THOC2: variants seen among roughly 807,000 people sequenced by gnomAD.
THOC2 encodes THO complex subunit 2.
Under a neutral mutation model 128.4 loss-of-function variants are expected in THOC2, and 10 were observed. The ratio of observed to expected loss-of-function variants is 0.08; its 90% CI spans 0.05 to 0.13. The LOEUF is 0.13. Among genes scored for constraint, THOC2 ranks in the 10% least tolerant of loss-of-function variants. The pLI, the probability that THOC2 is intolerant of heterozygous loss-of-function variation, is 1.00. For synonymous variants in THOC2, 393 were observed against 396.9 expected, an observed-to-expected ratio of 0.99 and a Z score of 0.12; for missense variants, 535 against 1,155.7, an observed-to-expected ratio of 0.46 and a Z score of 7.79.
At position 123,711,675 on chromosome X, in the gene THOC2, T is replaced by C. The variant is rs1414730292; in HGVS notation, c.130+1175A>G. ...TCACATGCCTGTAATCCCAGCTACTTGGGAAGCTGAGGCAGGAGAATCGTT... is the reference window on the plus strand; with the variant it reads ...TCACATGCCTGTAATCCCAGCTACTCGGGAAGCTGAGGCAGGAGAATCGTT... On this transcript the variant is annotated intron_variant, in intron 2 of 38. Transcript: ENST00000245838. Among the ~76,000 whole-genome samples the C allele has an allele frequency of 3.6e-5, 4 of 110,105 alleles. No individual in the cohort carries two copies. The East Asian group carries it at 1.1e-3, about 32-fold the overall frequency.
At chrX:123,668,360 A>T in intron 9 of THOC2, 46 bp from the exon 10 acceptor site, 1 of 891,116 alleles carries the variant, frequency 1.1e-6, no homozygotes, top group Non-Finnish European at 1.5e-6. Context: ...AATACCAACT[A>T]CTTGTTCATA....
intron 2 of THOC2, among the ~76,000 whole-genome samples, chrX:123,709,369 A>C (rs931992097): frequency 9.9e-5 from 11 of 111,151 alleles, no homozygotes; most frequent in African/African-American, 2.9e-4. Flanking sequence ...AGGCGGGCGG[A>C]TCACAAGGTA....
At chrX:123,628,626 A>T (rs772358760) in intron 22 of THOC2, among the ~76,000 whole-genome samples, 1 of 109,411 alleles carries the variant, frequency 9.1e-6, no homozygotes, top group Admixed American at 9.8e-5. Flanking sequence ...TGAGAGGATC[A>T]CTTGAACCCC....
intron 2 of THOC2, among the ~76,000 whole-genome samples, chrX:123,710,788 G>A (rs1407071864): frequency 9.2e-6 from 1 of 108,249 alleles, no homozygotes; most frequent in Non-Finnish European, 1.9e-5. Context: ...TCAGGAGTTC[G>A]ATATCAGCCT....
chrX:123,673,293 C>G (rs1410102667), intron 8 of THOC2, among the ~76,000 whole-genome samples: 3 of 112,083 alleles, frequency 2.7e-5, no homozygotes, highest in African/African-American at 9.7e-5. Flanking sequence ...GAGCCAAGAT[C>G]ACGCCACTGC....
intron 8 of THOC2, among the ~76,000 whole-genome samples, chrX:123,678,678 C>T (rs1405101369): frequency 9.0e-6 from 1 of 110,762 alleles, no homozygotes. Flanking sequence ...GCCTCTTCTT[C>T]AGCTACGTGT....
chrX:123,623,253 T>C lies in THOC2; in HGVS notation c.3534A>G (p.Ser1178=). Residue 1178 remains serine (S), a synonymous_variant, in exon 29 of 39, where the codon TCA becomes TCG. Transcript: ENST00000245838. ...GYSGQLKSRK[S]YMIPENEFHH... ...GAAACTCATTTTCAGGTATCATGTA[T>C]GACTTTCTACTTTTCAACTGCCCAG... 2 of 1,207,701 alleles carry C rather than the reference T, an allele frequency of 1.7e-6. No individual in the cohort carries two copies. The highest frequency in any genetic ancestry group is 2.2e-6 in the Non-Finnish European group (2 of 893,916).
chrX:123,729,019 C>A (rs1438225746), intron 1 of THOC2, among the ~76,000 whole-genome samples: 6 of 112,056 alleles, frequency 5.4e-5, no homozygotes, highest in African/African-American at 1.9e-4. Context: ...ACTGGATCTA[C>A]CAGTACATGC....
intron 9 of THOC2, among the ~76,000 whole-genome samples, chrX:123,670,837 T>A (rs1234275095): frequency 9.0e-6 from 1 of 111,613 alleles, no homozygotes; most frequent in African/African-American, 3.3e-5. Context: ...TAATGCAAAA[T>A]TTTTTTCTCC....
intron 3 of THOC2, among the ~76,000 whole-genome samples, chrX:123,706,098 T>A (rs1409218502): frequency 2.7e-5 from 3 of 110,794 alleles, no homozygotes; most frequent in Non-Finnish European, 5.7e-5. Flanking sequence ...AATTCTCCAA[T>A]AAATGAAGGA....
chrX:123,722,100 C>A (rs184780305), intron 1 of THOC2, among the ~76,000 whole-genome samples: 1 of 112,217 alleles, frequency 8.9e-6, no homozygotes, highest in Admixed American at 9.4e-5. Context: ...GCCGATGATA[C>A]GCTTTTACAC....
At chrX:123,669,760 T>C (rs1212524332) in intron 9 of THOC2, among the ~76,000 whole-genome samples, 1 of 112,134 alleles carries the variant, frequency 8.9e-6, no homozygotes, top group Non-Finnish European at 1.9e-5. Flanking sequence ...TTTATCTTCC[T>C]AGTGAGCACA....
intron 1 of THOC2, among the ~76,000 whole-genome samples, chrX:123,724,061 C>T (rs1202483200): frequency 9.0e-6 from 1 of 111,047 alleles, no homozygotes; most frequent in Admixed American, 9.7e-5. Context: ...TTAAAGAGAG[C>T]CAATGAATTC....
intron 13 of THOC2, 21 bp from the exon 14 acceptor site, chrX:123,644,930 T>G: frequency 8.6e-7 from 1 of 1,166,156 alleles, no homozygotes; most frequent in Non-Finnish European, 1.2e-6. Context: ...GAAGGAAAAG[T>G]TATTTCAGTA....
At chrX:123,621,700 A>G (rs1228910109) in intron 30 of THOC2, 113 bp from the exon 31 acceptor site, 3 of 583,437 alleles carry the variant, frequency 5.1e-6, no homozygotes, top group Non-Finnish European at 7.5e-6. Context: ...TACTAGAACT[A>G]AGGGGGAGTC....
intron 12 of THOC2, among the ~76,000 whole-genome samples, chrX:123,655,771 A>C (rs2147757820): frequency 9.0e-6 from 1 of 111,676 alleles, no homozygotes; most frequent in East Asian, 2.8e-4. Flanking sequence ...ATCAATTTAG[A>C]GCACTTTGGC....
At chrX:123,642,502 A>G (rs1470995656) in intron 15 of THOC2, among the ~76,000 whole-genome samples, 5 of 110,835 alleles carry the variant, frequency 4.5e-5, no homozygotes, top group Non-Finnish European at 7.5e-5. Flanking sequence ...AGCCTGGTCC[A>G]GTGAAGGAGA....
chrX:123,631,595 C>T, intron 22 of THOC2, 93 bp downstream of exon 22: 1 of 977,858 alleles, frequency 1.0e-6, no homozygotes. Flanking sequence ...CAAGACCTTC[C>T]CCCAAAATCT....
At chrX:123,611,682 T>C (rs149934111) in intron 36 of THOC2, among the ~76,000 whole-genome samples, 166 bp from the exon 37 acceptor site, 1,096 of 107,542 alleles carry the variant, frequency 0.01, 6 homozygotes, top group Middle Eastern at 0.028. Context: ...TTGAACTTCA[T>C]CAAAAGTAAA....
Sources: gnomAD v4.1 joint callset for allele counts (sites outside exome capture counted in the v4.1 genomes callset) on GRCh38, gnomAD v4.1.1 for gene constraint, MANE v1.5 for transcripts, NCBI Gene and HGNC (gene_info 2026-07-23, HGNC 2026-07-21) for gene names.